UBE2K: variants seen among roughly 807,000 people sequenced by gnomAD.
The protein encoded by UBE2K is ubiquitin conjugating enzyme E2 K, also known as ubiquitin-conjugating enzyme E2 K.
In UBE2K, 6 loss-of-function variants were observed where a neutral mutation model predicts 30.0. That is an observed-to-expected ratio of 0.20 (90% CI 0.11 to 0.39). The LOEUF is 0.39. UBE2K is among the 10% of genes least tolerant of loss of function. UBE2K has a pLI of 1.00. For missense variants in UBE2K, 61 were observed against 241.6 expected (o/e 0.25, Z 4.96); for synonymous variants, 86 against 83.7 (o/e 1.03, Z -0.15).
intron 3 of UBE2K, among the ~76,000 whole-genome samples, chr4:39,747,916 C>G (rs1289055838): frequency 6.6e-6 from 1 of 151,980 alleles, no homozygotes; most frequent in African/African-American, 2.4e-5. Flanking sequence ...ATTCTCCTGC[C>G]TCAGCCTCCT....
At chr4:39,750,757 A>AT in intron 3 of UBE2K, among the ~76,000 whole-genome samples, 1 of 133,704 alleles carries the variant, frequency 7.5e-6, no homozygotes, top group African/African-American at 2.8e-5. Context: ...ATTTTATTTT[A>AT]TTTTTTGAGA....
At chr4:39,721,500 C>T (rs1182520047) in intron 1 of UBE2K, among the ~76,000 whole-genome samples, 2 of 151,954 alleles carry the variant, frequency 1.3e-5, no homozygotes, top group Non-Finnish European at 2.9e-5. Flanking sequence ...ACTACAGGCA[C>T]GTGCCACCAC....
At position 39,776,310 on chromosome 4, in the gene UBE2K, T is replaced by A. The variant is rs1408217841; in HGVS notation, c.400-1372T>A. 2.6e-5 allele frequency among the ~76,000 whole-genome samples: 4 copies of A among 152,208 alleles called. No individual in the cohort carries two copies. In the East Asian group the frequency reaches 7.7e-4, roughly 29 times the overall value. On this transcript the variant is annotated intron_variant, in intron 5 of 6. Coordinates refer to ENST00000261427, the MANE Select transcript of UBE2K (RefSeq NM_005339.5). ...AATTACTCTGATTGCCATAGGTCAC[T>A]TTTAAAAAATTGTTTCTTTTCAACT...
rs1018993973 is a variant in UBE2K at position 39,782,557 on chromosome 4, T to C, written c.*4123T>C. On this transcript the variant is annotated 3_prime_UTR_variant, in exon 7 of 7. Transcript: ENST00000261427. ...ATGATAAATTCTGTAGGAGGGTCTA[T>C]TCTGAGCCGTTAACTTCCTGTAAGG... The C allele has an allele frequency of 6.6e-6, 1 of 152,128 alleles. No individual in the cohort carries two copies. The highest frequency in any genetic ancestry group is 1.5e-5 in the Non-Finnish European group (1 of 68,032). 9.4% of individuals were successfully genotyped at this position (152,128 alleles called of 1,614,324 possible).
At chr4:39,746,093 T>C (rs2109361196) in intron 3 of UBE2K, among the ~76,000 whole-genome samples, 1 of 152,170 alleles carries the variant, frequency 6.6e-6, no homozygotes, top group Admixed American at 6.6e-5. Flanking sequence ...GTGGCAGTGT[T>C]CCCAAATTTA....
chr4:39,772,109 T>TTAC (rs1712922942), intron 4 of UBE2K, among the ~76,000 whole-genome samples: 1 of 152,142 alleles, frequency 6.6e-6, no homozygotes, highest in African/African-American at 2.4e-5. Context: ...AATGCTGGGA[T>TTAC]TACAGGCGTC....
chr4:39,731,942 C>T (rs937424900), intron 1 of UBE2K, among the ~76,000 whole-genome samples: 3 of 151,926 alleles, frequency 2.0e-5, no homozygotes. Context: ...CTTTAGGGGG[C>T]ATTTAGAATT....
At chr4:39,771,422 C>A (rs1210387924) in intron 4 of UBE2K, 36 of 1,607,468 alleles carry the variant, frequency 2.2e-5, no homozygotes, top group Non-Finnish European at 3.1e-5. Flanking sequence ...CGCAGGACTT[C>A]ACCCCAGAGG....
chr4:39,781,679 G>C lies in UBE2K; in HGVS notation c.*3245G>C. The C allele has an allele frequency of 5.5e-6, 2 of 363,422 alleles. No homozygotes were observed. 22.5% of individuals were successfully genotyped at this position (363,422 alleles called of 1,614,324 possible). On this transcript the variant is annotated 3_prime_UTR_variant, in exon 7 of 7. Coordinates refer to ENST00000261427, the MANE Select transcript of UBE2K (RefSeq NM_005339.5). ...TTGGGGTAGGGAACAGCTGGAGCCA[G>C]GTATACCTTCTAGTATGTAGAGGGA...
intron 4 of UBE2K, chr4:39,770,672 G>C: frequency 6.3e-7 from 1 of 1,580,126 alleles, no homozygotes; most frequent in Non-Finnish European, 8.6e-7. Context: ...CCTGCGGTGG[G>C]GCCACAGTGC....
intron 1 of UBE2K, among the ~76,000 whole-genome samples, chr4:39,724,605 AAAAAATAC>A (rs1719631493): frequency 6.7e-6 from 1 of 150,196 alleles, no homozygotes; most frequent in African/African-American, 2.5e-5. Flanking sequence ...AAAAAAAAAA[AAAAAATAC>A]AAAAATTAGC....
chr4:39,774,545 G>A (rs1401504600), intron 4 of UBE2K, among the ~76,000 whole-genome samples: 3 of 151,682 alleles, frequency 2.0e-5, no homozygotes, highest in African/African-American at 7.3e-5. Flanking sequence ...CCCGGGAGGC[G>A]GAGCTTGCAG....
chr4:39,728,428 T>C (rs1290780380), intron 1 of UBE2K, among the ~76,000 whole-genome samples: 3 of 152,184 alleles, frequency 2.0e-5, no homozygotes. Context: ...TGAGCTATGA[T>C]TGTACCACTG....
At chr4:39,748,926 A>G (rs920904972) in intron 3 of UBE2K, among the ~76,000 whole-genome samples, 8 of 152,238 alleles carry the variant, frequency 5.3e-5, no homozygotes, top group Non-Finnish European at 1.0e-4. Flanking sequence ...GATGTATACT[A>G]CGTTGATTTG....
chr4:39,745,471 T>C (rs891756085), intron 2 of UBE2K, among the ~76,000 whole-genome samples: 2 of 152,252 alleles, frequency 1.3e-5, no homozygotes, highest in Non-Finnish European at 2.9e-5. Context: ...ATTGTCCTGA[T>C]GAAATGTTGG....
chr4:39,752,285 C>T (rs942750782), intron 3 of UBE2K, among the ~76,000 whole-genome samples: 3 of 147,534 alleles, frequency 2.0e-5, no homozygotes, highest in Non-Finnish European at 4.4e-5. Context: ...GCTGGGACTA[C>T]AGGCGCCCGC....
At chr4:39,726,764 T>A (rs1369040271) in intron 1 of UBE2K, among the ~76,000 whole-genome samples, 1 of 151,970 alleles carries the variant, frequency 6.6e-6, no homozygotes, top group East Asian at 1.9e-4. Flanking sequence ...CCTGGCTAAT[T>A]TTTTGTGTTT....
intron 4 of UBE2K, among the ~76,000 whole-genome samples, chr4:39,765,092 A>G (rs1037321801): frequency 2.0e-5 from 3 of 152,036 alleles, no homozygotes; most frequent in South Asian, 4.1e-4. Flanking sequence ...TCACCGTGTT[A>G]GCCAGGATGG....
At chr4:39,713,896 T>C (rs1480023331) in intron 1 of UBE2K, 1 of 152,166 alleles carries the variant, frequency 6.6e-6, no homozygotes, top group Non-Finnish European at 1.5e-5. Flanking sequence ...AGCAGCTTTT[T>C]TTTTTAAGAC....
Sources: gnomAD v4.1 joint callset for allele counts (sites outside exome capture counted in the v4.1 genomes callset) on GRCh38, gnomAD v4.1.1 for gene constraint, MANE v1.5 for transcripts, NCBI Gene and HGNC (gene_info 2026-07-23, HGNC 2026-07-21) for gene names.